Variants in ENAH observed in about 807,000 individuals in gnomAD.
ENAH encodes the protein protein enabled homolog.
A neutral mutation model predicts 78.7 loss-of-function variants in ENAH; 23 were observed. The ratio of observed to expected loss-of-function variants is 0.29; its 90% CI spans 0.21 to 0.41. The LOEUF (loss-of-function observed/expected upper bound fraction) is 0.41, where lower values mean the gene tolerates loss of function less well. ENAH is among the 10% of genes least tolerant of loss of function. ENAH has a pLI of 1.00. For missense variants in ENAH, 544 were observed against 691.0 expected (o/e 0.79, Z 2.39); for synonymous variants, 226 against 241.0 (o/e 0.94, Z 0.58).
At chr1:225,570,690 G>A (rs1225728466) in intron 1 of ENAH, among the ~76,000 whole-genome samples, 1 of 152,006 alleles carries the variant, frequency 6.6e-6, no homozygotes, top group African/African-American at 2.4e-5. Context: ...AGGCGTGGTG[G>A]CTCACACCTG....
At chr1:225,609,345 A>C (rs1432169145) in intron 1 of ENAH, among the ~76,000 whole-genome samples, 1 of 152,228 alleles carries the variant, frequency 6.6e-6, no homozygotes, top group Admixed American at 6.5e-5. Context: ...TGTTTCAAAA[A>C]AAAAAAGTAA....
chr1:225,579,244 T>C (rs1575594252), intron 1 of ENAH, among the ~76,000 whole-genome samples: 1 of 152,364 alleles, frequency 6.6e-6, no homozygotes, highest in East Asian at 1.9e-4. Context: ...CTATATTAGT[T>C]CCACAAAATT....
Position 225,554,900 on chromosome 1 carries a change from C to A in ENAH, c.349+6G>T. ...AGAAAATACAAATAAACCATGGGCACCTTACCTGTTTCCTGTGAATTTAAC... is the reference window on the plus strand; with the variant it reads ...AGAAAATACAAATAAACCATGGGCAACTTACCTGTTTCCTGTGAATTTAAC... On this transcript the variant is annotated splice_donor_region_variant and intron_variant, in intron 3 of 13. Coordinates refer to ENST00000366843, the MANE Select transcript of ENAH (RefSeq NM_018212.6). The A allele has an allele frequency of 5.9e-6, 9 of 1,520,100 alleles. No homozygotes were observed. The highest frequency in any genetic ancestry group is 6.3e-6 in the Non-Finnish European group (7 of 1,115,016). The allele number at this position is 1,520,100 out of a possible 1,614,324, so 94.2% of individuals were successfully genotyped here.
At chr1:225,509,205 T>A (rs1035181189) in intron 10 of ENAH, among the ~76,000 whole-genome samples, 1 of 151,892 alleles carries the variant, frequency 6.6e-6, no homozygotes, top group Non-Finnish European at 1.5e-5. Flanking sequence ...ATCAGAAACA[T>A]ATCCAAGTGA....
intron 1 of ENAH, among the ~76,000 whole-genome samples, chr1:225,634,925 T>C (rs1272354378): frequency 5.3e-5 from 8 of 152,226 alleles, no homozygotes; most frequent in African/African-American, 7.2e-5. Flanking sequence ...AAATTCCATA[T>C]GAATTATTTT....
rs148133183 is a variant in ENAH at position 225,535,965 on chromosome 1, G to C, written c.350-5327C>G. Among the ~76,000 whole-genome samples, 229 of 152,118 alleles carry C rather than the reference G, an allele frequency of 1.5e-3. 1 individual carries two copies. The highest frequency in any genetic ancestry group is 5.2e-3 in the African/African-American group (216 of 41,528). ...ACAAGATCTATATTCTCATTTAGGA[G>C]AATTGAATCTGAAAAAAATTTAAGC... On this transcript the variant is annotated intron_variant, in intron 3 of 13. Transcript: ENST00000366843.
At chr1:225,610,160 T>TAA (rs11324006) in intron 1 of ENAH, among the ~76,000 whole-genome samples, 5 of 143,296 alleles carry the variant, frequency 3.5e-5, no homozygotes, top group African/African-American at 2.5e-5. Context: ...TTATGTTCAA[T>TAA]AAAAAAAAAA....
chr1:225,519,342 C>T lies in ENAH; in HGVS notation c.658G>A (p.Glu220Lys). The part of the protein sequence containing the change: ...LERQERLERQ[E>K]RLDRERQERQ... ...TCTTGCCTCTCCCGATCCAGGCGTTCCTGCCGCTCCAGGCGTTCCTGCCGC... is the reference window on the plus strand; with the variant it reads ...TCTTGCCTCTCCCGATCCAGGCGTTTCTGCCGCTCCAGGCGTTCCTGCCGC... Residue 220 changes from glutamate to lysine, a missense_variant, in exon 5 of 14, where the codon GAA (glutamate) becomes AAA (lysine). Glu to Lys is a moderately conservative substitution (Grantham distance 56). Coordinates refer to ENST00000366843, the MANE Select transcript of ENAH (RefSeq NM_018212.6). 1.4e-6 allele frequency: 2 copies of T among 1,480,264 alleles called. No individual in the cohort carries two copies. The highest frequency in any genetic ancestry group is 1.8e-6 in the Non-Finnish European group (2 of 1,093,832). The allele number at this position is 1,480,264 out of a possible 1,614,324, so 91.7% of individuals were successfully genotyped here. A position where few individuals can be genotyped will look rare whatever the true frequency, so the allele number is the denominator to read the frequency against.
chr1:225,576,815 G>A (rs539025464), intron 1 of ENAH, among the ~76,000 whole-genome samples: 6 of 152,186 alleles, frequency 3.9e-5, no homozygotes, highest in Non-Finnish European at 7.3e-5. Context: ...AGCACATCAA[G>A]CTCAGACTTT....
In ENAH at chr1:225,577,676, A is replaced by G. The variant is rs144122540; in HGVS notation, c.6-10262T>C. On this transcript the variant is annotated intron_variant, in intron 1 of 13. Transcript: ENST00000366843. ...CTAGTATAACTGATCCAGATTCACC[A>G]AAGAAAATGGTCAGTCTAAATGACC... Among the ~76,000 whole-genome samples, 7 of 152,362 alleles carry G rather than the reference A, an allele frequency of 4.6e-5. No homozygotes were observed. The East Asian group carries it at 1.3e-3, about 29-fold the overall frequency.
chr1:225,550,551 T>C (rs2096636603), intron 3 of ENAH, among the ~76,000 whole-genome samples: 1 of 152,244 alleles, frequency 6.6e-6, no homozygotes, highest in Non-Finnish European at 1.5e-5. Context: ...ACTGAGATTT[T>C]TTTAATCCTA....
At position 225,501,078 on chromosome 1, in the gene ENAH, A is replaced by C. The variant is rs1202809566; in HGVS notation, c.1539-8T>G. 6.2e-7 allele frequency: 1 copy of C among 1,611,366 alleles called. No individual in the cohort carries two copies. Among genetic ancestry groups the C allele is most frequent in the Non-Finnish European group, 8.5e-7 (1 of 1,178,018 alleles). ...AAGGGTGTGGATTTTGGTCTGTATAAATGAGATTTCCAGGACAGGTAAACA... is the reference window on the plus strand; with the variant it reads ...AAGGGTGTGGATTTTGGTCTGTATACATGAGATTTCCAGGACAGGTAAACA... On this transcript the variant is annotated splice_region_variant and splice_polypyrimidine_tract_variant and intron_variant, in intron 11 of 13. Transcript: ENST00000366843.
At chr1:225,533,562 TGAGA>T (rs2096548137) in intron 3 of ENAH, among the ~76,000 whole-genome samples, 1 of 152,170 alleles carries the variant, frequency 6.6e-6, no homozygotes, top group Admixed American at 6.5e-5. Flanking sequence ...AGCAGCTGTT[TGAGA>T]GTTTGTTCTC....
intron 4 of ENAH, among the ~76,000 whole-genome samples, chr1:225,520,865 T>C (rs1275136936): frequency 7.2e-6 from 1 of 139,114 alleles, no homozygotes; most frequent in Non-Finnish European, 1.5e-5. Flanking sequence ...CCAAAAACAA[T>C]GAAAGAAAAG....
chr1:225,555,176 G>A, intron 2 of ENAH, 93 bp from the exon 3 acceptor site: 4 of 1,128,990 alleles, frequency 3.5e-6, no homozygotes, highest in East Asian at 5.2e-5. Flanking sequence ...ATTCAAATGT[G>A]TTCCTAACAG....
chr1:225,635,604 T>C (rs1022050142), intron 1 of ENAH, among the ~76,000 whole-genome samples: 5 of 152,156 alleles, frequency 3.3e-5, no homozygotes, highest in African/African-American at 1.2e-4. Context: ...AAGAGGAAAC[T>C]CAGGCAAGAA....
rs186756812 is a variant in ENAH, at chr1:225,596,244, G to A, written c.6-28830C>T. ...ACAAAGTACTCTTCATTGAAAAACCGAATTTTCAGATATTTTCCCCCCTTA... is the reference window on the plus strand; with the variant it reads ...ACAAAGTACTCTTCATTGAAAAACCAAATTTTCAGATATTTTCCCCCCTTA... On this transcript the variant is annotated intron_variant, in intron 1 of 13. Transcript: ENST00000366843. Among the ~76,000 whole-genome samples, 16 of 152,202 alleles carry A rather than the reference G, an allele frequency of 1.1e-4. No individual in the cohort carries two copies. The East Asian group carries it at 2.3e-3, about 22-fold the overall frequency.
At position 225,501,002 on chromosome 1, in the gene ENAH, C is replaced by T. The variant is rs1249812705; in HGVS notation, c.1607G>A (p.Arg536Lys). 3.7e-6 allele frequency: 6 copies of T among 1,613,944 alleles called. No homozygotes were observed. The African/African-American group carries it at 6.7e-5, about 18-fold the overall frequency. Reference sequence around the variant, plus strand: ...CCACTGAGCACCCACCTGCTTCAGCCTGTCATAGTCAAGTCCTTCCGTCTG... The same window carrying T: ...CCACTGAGCACCCACCTGCTTCAGCTTGTCATAGTCAAGTCCTTCCGTCTG... ...GVQTEGLDYD[R>K]LKQDILDEMR... Residue 536 changes from arginine (R) to lysine (K), a missense_variant, in exon 12 of 14, where the codon AGG becomes AAG. Coordinates refer to ENST00000366843, the MANE Select transcript of ENAH (RefSeq NM_018212.6).
intron 1 of ENAH, among the ~76,000 whole-genome samples, chr1:225,641,480 A>AG (rs1229377910): frequency 6.6e-6 from 1 of 150,990 alleles, no homozygotes; most frequent in African/African-American, 2.4e-5. Context: ...AAAAAAAAAA[A>AG]AAAAAAAAAG....
Sources: gnomAD v4.1 joint callset for allele counts (sites outside exome capture counted in the v4.1 genomes callset) on GRCh38, gnomAD v4.1.1 for gene constraint, MANE v1.5 for transcripts, NCBI Gene and HGNC (gene_info 2026-07-23, HGNC 2026-07-21) for gene names.